Variants in XRCC4 observed in about 807,000 individuals in gnomAD.
XRCC4 encodes the protein X-ray repair cross complementing 4, also known as DNA repair protein XRCC4.
A neutral mutation model predicts 39.1 loss-of-function variants in XRCC4; 28 were observed. The ratio of observed to expected loss-of-function variants is 0.72; its 90% CI spans 0.53 to 0.98. XRCC4 has a LOEUF of 0.98. Ranked by LOEUF, XRCC4 falls within the 50% of genes least tolerant of loss-of-function variation. The probability of loss-of-function intolerance (pLI) is 0.00; values close to 1 mark genes in which losing one functional copy is unlikely to be tolerated. For missense variants in XRCC4, 350 were observed against 376.4 expected, an observed-to-expected ratio of 0.93 and a Z score of 0.58; for synonymous variants, 123 against 126.4, an observed-to-expected ratio of 0.97 and a Z score of 0.18.
intron 6 of XRCC4, among the ~76,000 whole-genome samples, chr5:83,205,264 A>T (rs908918312): frequency 6.6e-6 from 1 of 152,118 alleles, no homozygotes; most frequent in African/African-American, 2.4e-5. Context: ...AACATTTGAG[A>T]TCTTATTTAG....
At chr5:83,236,695 CA>C (rs1752703218) in intron 6 of XRCC4, among the ~76,000 whole-genome samples, 1 of 151,850 alleles carries the variant, frequency 6.6e-6, no homozygotes, top group African/African-American at 2.4e-5. Context: ...CAGGCAACCA[CA>C]GTAAAAATGG....
At chr5:83,134,999 C>T (rs898656647) in intron 3 of XRCC4, among the ~76,000 whole-genome samples, 2 of 152,152 alleles carry the variant, frequency 1.3e-5, no homozygotes, top group Admixed American at 6.5e-5. Context: ...GGAACAAACT[C>T]TGGACACACC....
chr5:83,295,207 A>G (rs1160821397), intron 7 of XRCC4, among the ~76,000 whole-genome samples: 1 of 152,014 alleles, frequency 6.6e-6, no homozygotes, highest in Non-Finnish European at 1.5e-5. Context: ...AAATTATTTG[A>G]CCACCAGACC....
intron 4 of XRCC4, among the ~76,000 whole-genome samples, chr5:83,202,895 TAG>T (rs1418068828): frequency 1.1e-4 from 17 of 152,290 alleles, no homozygotes; most frequent in African/African-American, 4.1e-4. Context: ...TTAAAAACAA[TAG>T]AGAATTTTGT....
At chr5:83,253,186 G>T (rs886974205) in intron 6 of XRCC4, among the ~76,000 whole-genome samples, 7 of 152,152 alleles carry the variant, frequency 4.6e-5, no homozygotes, top group African/African-American at 1.7e-4. Context: ...AGGTATTGTT[G>T]CCCTGCAGCC....
intron 4 of XRCC4, among the ~76,000 whole-genome samples, chr5:83,197,185 G>A (rs1241360961): frequency 6.6e-6 from 1 of 151,872 alleles, no homozygotes. Flanking sequence ...TGCAGAAAAA[G>A]TTAATTTTTC....
At chr5:83,347,527 T>A (rs749184248) in intron 7 of XRCC4, among the ~76,000 whole-genome samples, 1 of 152,078 alleles carries the variant, frequency 6.6e-6, no homozygotes, top group Non-Finnish European at 1.5e-5. Context: ...TGAGATCTCA[T>A]GAGAACTCAC....
chr5:83,220,131 T>C (rs1276622875), intron 6 of XRCC4, among the ~76,000 whole-genome samples: 1 of 152,126 alleles, frequency 6.6e-6, no homozygotes, highest in African/African-American at 2.4e-5. Context: ...AAAGGTATTG[T>C]ACTTTACTAC....
At chr5:83,112,865 A>G (rs1746511328) in intron 3 of XRCC4, among the ~76,000 whole-genome samples, 1 of 152,176 alleles carries the variant, frequency 6.6e-6, no homozygotes, top group African/African-American at 2.4e-5. Flanking sequence ...CTCTCATAAC[A>G]CTTGGGAATT....
intron 3 of XRCC4, among the ~76,000 whole-genome samples, chr5:83,130,797 T>C (rs1747535251): frequency 1.3e-5 from 2 of 152,228 alleles, no homozygotes; most frequent in South Asian, 4.1e-4. Flanking sequence ...TTTTTATTTC[T>C]GTGGGATCGT....
At chr5:83,092,118 G>C (rs932013739) in intron 1 of XRCC4, among the ~76,000 whole-genome samples, 1 of 152,122 alleles carries the variant, frequency 6.6e-6, no homozygotes, top group Non-Finnish European at 1.5e-5. Context: ...GTGATGGTGA[G>C]CGTTTTTTCA....
the XRCC4 span, among the ~76,000 whole-genome samples, chr5:83,368,867 A>G: frequency 2.0e-5 from 3 of 152,192 alleles, no homozygotes; most frequent in Non-Finnish European, 2.9e-5. Context: ...AAGACATTAG[A>G]ATGGATAGAG....
At chr5:83,186,821 T>A (rs912548653) in intron 3 of XRCC4, among the ~76,000 whole-genome samples, 3 of 152,302 alleles carry the variant, frequency 2.0e-5, no homozygotes, top group African/African-American at 7.2e-5. Flanking sequence ...AGGTCTCACC[T>A]AGCAAACATC....
intron 6 of XRCC4, among the ~76,000 whole-genome samples, chr5:83,211,313 G>A (rs1751635832): frequency 6.6e-6 from 1 of 152,196 alleles, no homozygotes; most frequent in Non-Finnish European, 1.5e-5. Flanking sequence ...CTGTACCTGA[G>A]CTAAAGAGGG....
rs1228082673 is a variant in XRCC4 at position 83,139,270 on chromosome 5, C to T, written c.315+28067C>T. ...AGGACGTCCTTCACTTTGGATTTTT[C>T]CTCAAGATTAGATTGAGTTTATACA... is the stretch of plus-strand genomic sequence containing the variant. On this transcript the variant is annotated intron_variant, in intron 3 of 7. Coordinates refer to ENST00000396027, the MANE Select transcript of XRCC4 (RefSeq NM_003401.5). Among the ~76,000 whole-genome samples the T allele has an allele frequency of 2.6e-5, 4 of 152,172 alleles. No individual in the cohort carries two copies. In the East Asian group the frequency reaches 5.8e-4, roughly 22 times the overall value.
chr5:83,132,651 C>A (rs908568736), intron 3 of XRCC4, among the ~76,000 whole-genome samples: 1 of 151,926 alleles, frequency 6.6e-6, no homozygotes, highest in Non-Finnish European at 1.5e-5. Flanking sequence ...TCACTGATAC[C>A]CTTTCTTCCA....
At chr5:83,125,481 C>T (rs1444843301) in intron 3 of XRCC4, among the ~76,000 whole-genome samples, 1 of 152,188 alleles carries the variant, frequency 6.6e-6, no homozygotes, top group African/African-American at 2.4e-5. Flanking sequence ...TTGAGGTTCA[C>T]TTTCTTGGCT....
intron 6 of XRCC4, among the ~76,000 whole-genome samples, chr5:83,233,526 C>T (rs1276391069): frequency 2.0e-5 from 3 of 152,002 alleles, no homozygotes; most frequent in Non-Finnish European, 4.4e-5. Flanking sequence ...CAGAAAAGGA[C>T]AGATCCTCTC....
At chr5:83,226,073 A>C (rs1752279831) in intron 6 of XRCC4, among the ~76,000 whole-genome samples, 1 of 151,980 alleles carries the variant, frequency 6.6e-6, no homozygotes, top group Non-Finnish European at 1.5e-5. Flanking sequence ...GTACCACTCC[A>C]GGGGATGAAG....
Sources: allele counts gnomAD v4.1 joint callset (sites outside exome capture counted in the v4.1 genomes callset), GRCh38; gene constraint gnomAD v4.1.1; transcripts MANE v1.5; gene names NCBI Gene and HGNC (gene_info 2026-07-23, HGNC 2026-07-21).